The following GABPB2 variants were observed in gnomAD, a reference collection of about 807,000 sequenced individuals.
GABPB2 encodes GA binding protein transcription factor subunit beta 2, also known as GA-binding protein subunit beta-2.
A neutral mutation model predicts 39.1 loss-of-function variants in GABPB2; 23 were observed. The ratio of observed to expected loss-of-function variants is 0.59; its 90% CI spans 0.42 to 0.83. The LOEUF is 0.83. Ranked by LOEUF, GABPB2 falls within the 40% of genes least tolerant of loss-of-function variation. The pLI, the probability that GABPB2 is intolerant of heterozygous loss-of-function variation, is 0.00. For missense variants in GABPB2, 467 were observed against 541.1 expected (o/e 0.86, Z 1.36); for synonymous variants, 184 against 199.3 (o/e 0.92, Z 0.65).
chr1:151,084,885 A>G (rs1470902475), intron 1 of GABPB2, among the ~76,000 whole-genome samples: 1 of 151,974 alleles, frequency 6.6e-6, no homozygotes, highest in Non-Finnish European at 1.5e-5. Context: ...CCCTTGGTCT[A>G]TTCATCATTC....
At chr1:151,089,058 A>G (rs1259907783) in intron 2 of GABPB2, among the ~76,000 whole-genome samples, 1 of 152,150 alleles carries the variant, frequency 6.6e-6, no homozygotes, top group Non-Finnish European at 1.5e-5. Flanking sequence ...TTAAAGAGGA[A>G]GGTGTAATTT....
Position 151,117,393 on chromosome 1 carries a change from T to G in GABPB2, c.924T>G (p.Val308=), listed in dbSNP as rs757367578. The G allele has an allele frequency of 2.7e-5, 43 of 1,613,626 alleles. No individual in the cohort carries two copies. In the South Asian group the frequency reaches 4.6e-4, roughly 17 times the overall value. Reference sequence around the variant, plus strand: ...CAATTGGTGTCCTTTGACTTGTAGTTCTAACTGTACCTGCTGGTAAGGTTG... The same window carrying G: ...CAATTGGTGTCCTTTGACTTGTAGTGCTAACTGTACCTGCTGGTAAGGTTG... ...FIVTVQDGQQ[V]LTVPAGKVAE... Residue 308 remains valine, a splice_region_variant and synonymous_variant, in exon 8 of 9, where the codon GTT becomes GTG. Transcript: ENST00000368918.
rs779191354 is a variant in GABPB2, at chr1:151,118,301, T to C, written c.*45T>C. Reference sequence around the variant, plus strand: ...GCACTGTGTTCATATTAATCCTCTTTTAAAAAAGGAAATATACAGAAGACA... The same window carrying C: ...GCACTGTGTTCATATTAATCCTCTTCTAAAAAAGGAAATATACAGAAGACA... On this transcript the variant is annotated 3_prime_UTR_variant, in exon 9 of 9. Coordinates refer to ENST00000368918, the MANE Select transcript of GABPB2 (RefSeq NM_144618.3). 1 of 1,523,526 alleles carries C rather than the reference T, an allele frequency of 6.6e-7. No homozygotes were observed. The highest frequency in any genetic ancestry group is 8.9e-7 in the Non-Finnish European group (1 of 1,124,508). 94.4% of individuals were successfully genotyped at this position (1,523,526 alleles called of 1,614,324 possible). A position where few individuals can be genotyped will look rare whatever the true frequency, so the allele number is the denominator to read the frequency against.
chr1:151,072,194 ATAGAG>A (rs1327673655), intron 1 of GABPB2, among the ~76,000 whole-genome samples: 1 of 152,242 alleles, frequency 6.6e-6, no homozygotes, highest in Non-Finnish European at 1.5e-5. Flanking sequence ...ATCTTGGATA[ATAGAG>A]TACTTTGTTG....
intron 1 of GABPB2, among the ~76,000 whole-genome samples, chr1:151,085,254 G>A (rs587659626): frequency 6.6e-6 from 1 of 152,052 alleles, no homozygotes; most frequent in South Asian, 2.1e-4. Context: ...AAAATTAGCT[G>A]GGCATGGTGA....
intron 1 of GABPB2, among the ~76,000 whole-genome samples, chr1:151,073,593 T>G (rs1676904513): frequency 6.6e-6 from 1 of 152,080 alleles, no homozygotes; most frequent in East Asian, 1.9e-4. Flanking sequence ...TGTTGTTTTG[T>G]TTTGTTTTAT....
At chr1:151,093,828 GCT>G (rs1678899366) in intron 4 of GABPB2, among the ~76,000 whole-genome samples, 1 of 151,740 alleles carries the variant, frequency 6.6e-6, no homozygotes. Context: ...GTATACAGAT[GCT>G]CCTTGACTTA....
At chr1:151,114,862 T>C (rs1680736984) in intron 7 of GABPB2, among the ~76,000 whole-genome samples, 1 of 149,992 alleles carries the variant, frequency 6.7e-6, no homozygotes, top group East Asian at 2.0e-4. Context: ...GTACAAAAAT[T>C]AGTCAGGCGT....
intron 4 of GABPB2, among the ~76,000 whole-genome samples, chr1:151,095,749 T>G (rs939915837): frequency 6.6e-6 from 1 of 152,084 alleles, no homozygotes; most frequent in Non-Finnish European, 1.5e-5. Flanking sequence ...AAGAAGGAAT[T>G]TAGGCCAGGC....
chr1:151,092,495 C>G (rs1678802208), intron 3 of GABPB2, among the ~76,000 whole-genome samples: 1 of 151,988 alleles, frequency 6.6e-6, no homozygotes, highest in East Asian at 1.9e-4. Flanking sequence ...TCAAGTGATC[C>G]TTCCATCCTC....
chr1:151,076,081 G>T (rs1677149851), intron 1 of GABPB2, among the ~76,000 whole-genome samples: 2 of 152,122 alleles, frequency 1.3e-5, no homozygotes, highest in South Asian at 4.1e-4. Context: ...AGATTAAAAG[G>T]TGTTCAGTTT....
At chr1:151,111,476 G>A (rs1680421727) in intron 7 of GABPB2, among the ~76,000 whole-genome samples, 1 of 151,058 alleles carries the variant, frequency 6.6e-6, no homozygotes, top group African/African-American at 2.4e-5. Flanking sequence ...AGGCTGGAGT[G>A]CAGTGGCGTG....
chr1:151,076,178 A>C (rs1315736224), intron 1 of GABPB2, among the ~76,000 whole-genome samples: 1 of 152,234 alleles, frequency 6.6e-6, no homozygotes, highest in Non-Finnish European at 1.5e-5. Context: ...AAAATAAGCA[A>C]AACTATCCCA....
intron 1 of GABPB2, among the ~76,000 whole-genome samples, chr1:151,073,488 G>A (rs1353722353): frequency 6.6e-6 from 1 of 152,140 alleles, no homozygotes; most frequent in Non-Finnish European, 1.5e-5. Context: ...GGGCCACCAG[G>A]CAGGTATTGA....
At chr1:151,093,784 T>C (rs587677271) in intron 4 of GABPB2, among the ~76,000 whole-genome samples, 1 of 152,048 alleles carries the variant, frequency 6.6e-6, no homozygotes, top group East Asian at 1.9e-4. Context: ...AGTTACTTGA[T>C]GTTTTCTGAA....
chr1:151,079,623 C>T (rs779089967), intron 1 of GABPB2, among the ~76,000 whole-genome samples: 4 of 151,822 alleles, frequency 2.6e-5, no homozygotes, highest in Non-Finnish European at 5.9e-5. Context: ...ATTTTGCGAC[C>T]GGGCGCAGTG....
intron 7 of GABPB2, among the ~76,000 whole-genome samples, chr1:151,112,927 C>T (rs1299589344): frequency 2.6e-5 from 4 of 151,328 alleles, no homozygotes; most frequent in East Asian, 2.0e-4. Context: ...TGCACCACCA[C>T]GCCTGGCTAA....
chr1:151,088,110 A>G, intron 1 of GABPB2, 80 bp from the exon 2 acceptor site: 1 of 922,282 alleles, frequency 1.1e-6, no homozygotes, highest in South Asian at 1.4e-5. Context: ...AAATATAAGA[A>G]GTCTTCTAAA....
intron 4 of GABPB2, among the ~76,000 whole-genome samples, chr1:151,096,633 C>T (rs1489589325): frequency 6.6e-6 from 1 of 152,080 alleles, no homozygotes; most frequent in African/African-American, 2.4e-5. Flanking sequence ...AGATAAGCTA[C>T]TTTTCACCAA....
Sources: allele counts gnomAD v4.1 joint callset (sites outside exome capture counted in the v4.1 genomes callset), GRCh38; gene constraint gnomAD v4.1.1; transcripts MANE v1.5; gene names NCBI Gene and HGNC (gene_info 2026-07-23, HGNC 2026-07-21).